Variants in PRMT1 observed in about 807,000 individuals in gnomAD.
The protein encoded by PRMT1 is protein arginine N-methyltransferase 1.
In PRMT1, 5 loss-of-function variants were observed where a neutral mutation model predicts 47.4. The observed-to-expected ratio is 0.11, with a 90% CI of 0.06 to 0.22. The LOEUF (loss-of-function observed/expected upper bound fraction) is 0.22, where lower values mean the gene tolerates loss of function less well. Among genes scored for constraint, PRMT1 ranks in the 10% least tolerant of loss-of-function variants. PRMT1 has a pLI of 1.00. For synonymous variants in PRMT1, 227 were observed against 204.6 expected (o/e 1.11, Z -0.94); for missense variants, 249 against 518.4 (o/e 0.48, Z 5.05).
rs981120476 is a variant in PRMT1 at position 49,684,693 on chromosome 19, G to A, written c.556-61G>A. ...CAGGGCAGGAGGCCACATCTTGGAG[G>A]CAAGACTCAGGGTAGTGTTGCCAGG... On this transcript the variant is annotated intron_variant, in intron 6 of 10. Coordinates refer to ENST00000454376, the MANE Select transcript of PRMT1 (RefSeq NM_001536.6). The surrounding 1 kb of genome is among the most constrained non-coding windows in gnomAD (Gnocchi z 6.2). The A allele has an allele frequency of 4.6e-6, 7 of 1,512,190 alleles. No individual in the cohort carries two copies. The African/African-American group carries it at 9.7e-5, about 21-fold the overall frequency. The allele number at this position is 1,512,190 out of a possible 1,614,324, so 93.7% of individuals were successfully genotyped here. A position where few individuals can be genotyped will look rare whatever the true frequency, so the allele number is the denominator to read the frequency against.
At position 49,688,120 on chromosome 19, in the gene PRMT1, C is replaced by T. The variant is rs1443462086; in HGVS notation, c.1033-42C>T. ...GCCTGCACCCGCCCCCCGCCACCACCTCCTGGTGGGTTCCGCCCTCATGCC... is the reference window on the plus strand; with the variant it reads ...GCCTGCACCCGCCCCCCGCCACCACTTCCTGGTGGGTTCCGCCCTCATGCC... On this transcript the variant is annotated intron_variant, in intron 10 of 10. Coordinates refer to ENST00000454376, the MANE Select transcript of PRMT1 (RefSeq NM_001536.6). This position sits in a 1 kb window ranked among gnomAD's most constrained non-coding sequence, Gnocchi z 5.3. 3 of 1,576,034 alleles carry T rather than the reference C, an allele frequency of 1.9e-6. No homozygotes were observed. Among genetic ancestry groups the T allele is most frequent in the Non-Finnish European group, 8.7e-7 (1 of 1,145,582 alleles).
Position 49,685,278 on chromosome 19 carries a change from C to A in PRMT1, c.759+241C>A. ...CTTCTGGCGGAGGAAACACCCAAAG[C>A]TGGCAGCTAAAGCCCACAGCCCATG... On this transcript the variant is annotated intron_variant, in intron 8 of 10. Transcript: ENST00000454376. This position sits in a 1 kb window ranked among gnomAD's most constrained non-coding sequence, Gnocchi z 4.7. The A allele has an allele frequency of 4.2e-6, 6 of 1,440,484 alleles. No homozygotes were observed. Among genetic ancestry groups the A allele is most frequent in the Non-Finnish European group, 4.6e-6 (5 of 1,095,020 alleles). 89.2% of individuals were successfully genotyped at this position (1,440,484 alleles called of 1,614,324 possible).
chr19:49,685,527 T>A lies in PRMT1; in HGVS notation c.759+490T>A, dbSNP rs1568488868. The A allele has an allele frequency of 2.0e-6, 2 of 1,019,514 alleles. No homozygotes were observed. The highest frequency in any genetic ancestry group is 2.4e-6 in the Non-Finnish European group (2 of 850,356). The allele number at this position is 1,019,514 out of a possible 1,614,324, so 63.2% of individuals were successfully genotyped here. ...TTTGTTTTTTCCTTTTGTTTTTTTT[T>A]ACTTCTGAGACCCTGTTTAAAAAAA... On this transcript the variant is annotated intron_variant, in intron 8 of 10. Coordinates refer to ENST00000454376, the MANE Select transcript of PRMT1 (RefSeq NM_001536.6). This position sits in a 1 kb window ranked among gnomAD's most constrained non-coding sequence, Gnocchi z 4.7.
chr19:49,684,976 A>G lies in PRMT1; in HGVS notation c.698A>G (p.Lys233Arg). Residue 233 changes from lysine (K) to arginine (R), a missense_variant, in exon 8 of 11, where the codon AAG (lysine) becomes AGG (arginine). Physicochemically the swap from Lys to Arg is conservative, Grantham distance 26 (BLOSUM62 2). Coordinates refer to ENST00000454376, the MANE Select transcript of PRMT1 (RefSeq NM_001536.6). This position sits in a 1 kb window ranked among gnomAD's most constrained non-coding sequence, Gnocchi z 6.2. ...TCTTGCATCAAAGATGTGGCCATTA[A>G]GGAGCCCCTAGTGGATGTCGTGGAC... is the stretch of plus-strand genomic sequence containing the variant. ...DMSCIKDVAI[K>R]EPLVDVVDPK... The G allele has an allele frequency of 6.2e-7, 1 of 1,607,706 alleles. No individual in the cohort carries two copies. Among genetic ancestry groups the G allele is most frequent in the Non-Finnish European group, 8.5e-7 (1 of 1,175,738 alleles).
chr19:49,677,574 A>G (rs940593354), intron 1 of PRMT1: 31 of 372,470 alleles, frequency 8.3e-5, no homozygotes, highest in Non-Finnish European at 1.4e-4. Flanking sequence ...GCTTCCGGCC[A>G]GGCCCCCACG....
chr19:49,676,987 T>C (rs866435768), upstream of PRMT1: 23 of 363,884 alleles, frequency 6.3e-5, no homozygotes, highest in African/African-American at 4.6e-4. Context: ...TGGTGGATTT[T>C]GCCCAATCAC....
chr19:49,684,207 C>T lies in PRMT1; in HGVS notation c.555+138C>T. On this transcript the variant is annotated intron_variant, in intron 6 of 10. Transcript: ENST00000454376. This position sits in a 1 kb window ranked among gnomAD's most constrained non-coding sequence, Gnocchi z 6.2. ...AGGTGTTAGAAAGCCACAGCCCAAG[C>T]CAGGTGTGACAGACCCTGGAGGGAG... 8.2e-7 allele frequency: 1 copy of T among 1,221,244 alleles called. No individual in the cohort carries two copies. Among genetic ancestry groups the T allele is most frequent in the Admixed American group, 2.1e-5 (1 of 47,972 alleles). The allele number at this position is 1,221,244 out of a possible 1,614,324, so 75.7% of individuals were successfully genotyped here. A position where few individuals can be genotyped will look rare whatever the true frequency, so the allele number is the denominator to read the frequency against.
chr19:49,685,120 G>T lies in PRMT1; in HGVS notation c.759+83G>T, dbSNP rs943926160. ...CCTGGCCCTGGCATGGGACTTTGGG[G>T]CCCAGAATGTTGGCCTGAGGTCTCA... On this transcript the variant is annotated intron_variant, in intron 8 of 10. Transcript: ENST00000454376. This position sits in a 1 kb window ranked among gnomAD's most constrained non-coding sequence, Gnocchi z 4.7. The T allele has an allele frequency of 3.1e-6, 5 of 1,590,958 alleles. No individual in the cohort carries two copies. The highest frequency in any genetic ancestry group is 4.3e-6 in the Non-Finnish European group (5 of 1,168,668).
Position 49,684,180 on chromosome 19 carries a change from C to A in PRMT1, c.555+111C>A. On this transcript the variant is annotated intron_variant, in intron 6 of 10. Transcript: ENST00000454376. This position sits in a 1 kb window ranked among gnomAD's most constrained non-coding sequence, Gnocchi z 6.2. ...GGGACTTACTGTGGGGGCTTAGCTGCAAGGTGTTAGAAAGCCACAGCCCAA... is the reference window on the plus strand; with the variant it reads ...GGGACTTACTGTGGGGGCTTAGCTGAAAGGTGTTAGAAAGCCACAGCCCAA... 1 of 1,452,512 alleles carries A rather than the reference C, an allele frequency of 6.9e-7. No individual in the cohort carries two copies. The allele number at this position is 1,452,512 out of a possible 1,614,324, so 90.0% of individuals were successfully genotyped here.
In PRMT1 at chr19:49,688,027, C is replaced by A; in HGVS notation, c.1033-135C>A. Reference sequence around the variant, plus strand: ...GGTCAGGGCAGCTGCTAGGGTGGGACCAGCAGTTGGGGTCTGCAGCGTGGA... The same window carrying A: ...GGTCAGGGCAGCTGCTAGGGTGGGAACAGCAGTTGGGGTCTGCAGCGTGGA... On this transcript the variant is annotated intron_variant, in intron 10 of 10. Transcript: ENST00000454376. The surrounding 1 kb of genome is among the most constrained non-coding windows in gnomAD (Gnocchi z 5.3). 1.2e-6 allele frequency: 1 copy of A among 813,956 alleles called. No homozygotes were observed. The highest frequency in any genetic ancestry group is 2.1e-6 in the Non-Finnish European group (1 of 470,160). 50.4% of individuals were successfully genotyped at this position (813,956 alleles called of 1,614,324 possible). A position where few individuals can be genotyped will look rare whatever the true frequency, so the allele number is the denominator to read the frequency against.
chr19:49,687,862 T>C lies in PRMT1; in HGVS notation c.1033-300T>C. 6.2e-6 allele frequency: 3 copies of C among 486,082 alleles called. 1 individual carries two copies. Among genetic ancestry groups the C allele is most frequent in the South Asian group, 5.4e-5 (2 of 36,726 alleles). 30.1% of individuals were successfully genotyped at this position (486,082 alleles called of 1,614,324 possible). ...GTGGGCTTGGGAGAGGTTTTCTTTT[T>C]TATGAAAGAAGCAATCACTGCATTG... On this transcript the variant is annotated intron_variant, in intron 10 of 10. Coordinates refer to ENST00000454376, the MANE Select transcript of PRMT1 (RefSeq NM_001536.6).
At chr19:49,687,373 G>T (rs759722654) in intron 10 of PRMT1, among the ~76,000 whole-genome samples, 2 of 152,036 alleles carry the variant, frequency 1.3e-5, no homozygotes, top group Admixed American at 6.6e-5. Context: ...AGTGGTCTGG[G>T]TTGGAAAAGT....
At chr19:49,686,060 G>A (rs777988618) in intron 8 of PRMT1, 33 bp from the exon 9 acceptor site, 15 of 1,597,670 alleles carry the variant, frequency 9.4e-6, no homozygotes, top group South Asian at 2.3e-5. Flanking sequence ...AGGTGGGGAC[G>A]CATCCCGGAG....
At chr19:49,682,650 G>A (rs1218503094) in intron 5 of PRMT1, among the ~76,000 whole-genome samples, 2 of 152,002 alleles carry the variant, frequency 1.3e-5, no homozygotes, top group East Asian at 3.9e-4. Flanking sequence ...TAATTTTCAC[G>A]CCAGTAGCAT....
chr19:49,686,267 G>T lies in PRMT1; in HGVS notation c.910+24G>T, dbSNP rs200080723. ...CAGTGAGGCGGGGCCCACAGGGCTG[G>T]GGGCCGTTCCCGAGCCAGGGCGGAG... On this transcript the variant is annotated intron_variant, in intron 9 of 10. Coordinates refer to ENST00000454376, the MANE Select transcript of PRMT1 (RefSeq NM_001536.6). The T allele has an allele frequency of 1.7e-3, 2,702 of 1,570,698 alleles. 5 individuals are homozygous for T. Among genetic ancestry groups the T allele is most frequent in the Non-Finnish European group, 2.1e-3 (2,422 of 1,158,600 alleles).
In PRMT1 at chr19:49,681,295, G is replaced by A. The variant is rs1043280844; in HGVS notation, c.193-615G>A. Among the ~76,000 whole-genome samples the A allele has an allele frequency of 6.6e-6, 1 of 152,140 alleles. No homozygotes were observed. Among genetic ancestry groups the A allele is most frequent in the Non-Finnish European group, 1.5e-5 (1 of 68,018 alleles). On this transcript the variant is annotated intron_variant, in intron 3 of 10. Transcript: ENST00000454376. The surrounding 1 kb of genome is among the most constrained non-coding windows in gnomAD (Gnocchi z 4.4). ...AACTCTTGGGATCAAGTGATCCTCC[G>A]GCTTTGGCCTCCTGAGGTGCTGGGA...
chr19:49,686,203 C>T lies in PRMT1; in HGVS notation c.870C>T (p.Ile290=), dbSNP rs2082201733. The change falls in exon 9 of 11, where the codon ATC becomes ATT. Residue 290 remains isoleucine (I), a synonymous_variant. Transcript: ENST00000454376. ...ACGCCCTGGTGGCCTACTTCAACAT[C>T]GAGTTCACACGCTGCCACAAGAGGA... The part of the protein sequence containing the change: ...YVHALVAYFN[I]EFTRCHKRTG... 6.2e-7 allele frequency: 1 copy of T among 1,611,964 alleles called. No individual in the cohort carries two copies. Among genetic ancestry groups the T allele is most frequent in the Non-Finnish European group, 8.5e-7 (1 of 1,178,996 alleles).
intron 5 of PRMT1, 197 bp from the exon 6 acceptor site, chr19:49,683,730 T>A: frequency 7.4e-6 from 4 of 543,270 alleles, no homozygotes; most frequent in Non-Finnish European, 1.3e-5. Flanking sequence ...TGATACCCAG[T>A]CCACATAAAA....
In PRMT1 at chr19:49,680,494, G is replaced by C; in HGVS notation, c.98G>C (p.Cys33Ser). 1 of 1,613,946 alleles carries C rather than the reference G, an allele frequency of 6.2e-7. No individual in the cohort carries two copies. Among genetic ancestry groups the C allele is most frequent in the African/African-American group, 1.3e-5 (1 of 75,032 alleles). ...CCATCGGCCCCCTCCCAGGTGTCCT[G>C]TGGCCAGGCGGAAAGCAGTGAGAAG... Reference protein sequence around the residue: ...SLQPPLEEVSCGQAESSEKPN... With the variant: ...SLQPPLEEVSSGQAESSEKPN... The change falls in exon 3 of 11, where the codon TGT becomes TCT. Residue 33 changes from cysteine (C) to serine (S), a missense_variant. Cys to Ser is a moderately radical substitution (Grantham distance 112). Coordinates refer to ENST00000454376, the MANE Select transcript of PRMT1 (RefSeq NM_001536.6). The surrounding 1 kb of genome is among the most constrained non-coding windows in gnomAD (Gnocchi z 4.2).
Sources: allele counts gnomAD v4.1 joint callset (sites outside exome capture counted in the v4.1 genomes callset), GRCh38; gene constraint gnomAD v4.1.1; non-coding constraint Gnocchi (gnomAD v3.1); transcripts MANE v1.5; gene names NCBI Gene and HGNC (gene_info 2026-07-23, HGNC 2026-07-21).